The following SPHKAP variants were observed in gnomAD, a reference collection of about 807,000 sequenced individuals.
SPHKAP encodes the protein A-kinase anchor protein SPHKAP.
A neutral mutation model predicts 137.5 loss-of-function variants in SPHKAP; 67 were observed. The observed-to-expected ratio is 0.49, with a 90% CI of 0.40 to 0.60. The LOEUF is 0.60. Among genes scored for constraint, SPHKAP ranks in the 20% least tolerant of loss-of-function variants. SPHKAP has a pLI of 0.00. For synonymous variants in SPHKAP, 813 were observed against 785.3 expected (o/e 1.04, Z -0.59); for missense variants, 2,097 against 2,069.3 (o/e 1.01, Z -0.26).
chr2:228,143,114 G>A (rs1699655807), intron 1 of SPHKAP, among the ~76,000 whole-genome samples: 1 of 152,098 alleles, frequency 6.6e-6, no homozygotes, highest in Non-Finnish European at 1.5e-5. Context: ...CATTGATAAG[G>A]TTAGTATGCA....
At chr2:227,999,821 C>T (rs1326308641) in intron 7 of SPHKAP, among the ~76,000 whole-genome samples, 1 of 152,192 alleles carries the variant, frequency 6.6e-6, no homozygotes, top group East Asian at 1.9e-4. Flanking sequence ...TGTGCAGATG[C>T]ATGCAGATGG....
chr2:227,983,307 A>AT (rs1693075254), intron 11 of SPHKAP, among the ~76,000 whole-genome samples: 1 of 152,204 alleles, frequency 6.6e-6, no homozygotes, highest in African/African-American at 2.4e-5. Flanking sequence ...CAGTTACAGT[A>AT]ATCAGTGCTT....
chr2:228,174,915 C>T (rs1288269784), intron 1 of SPHKAP, among the ~76,000 whole-genome samples: 2 of 149,468 alleles, frequency 1.3e-5, no homozygotes, highest in Non-Finnish European at 3.0e-5. Context: ...ACATGGTAAC[C>T]AGATGAAGAA....
intron 3 of SPHKAP, among the ~76,000 whole-genome samples, chr2:228,095,130 A>G (rs1477737893): frequency 6.6e-6 from 1 of 152,184 alleles, no homozygotes; most frequent in Non-Finnish European, 1.5e-5. Flanking sequence ...AACTGTCAAT[A>G]GAAATGGGAA....
At chr2:227,987,701 C>T (rs1693262805) in intron 11 of SPHKAP, among the ~76,000 whole-genome samples, 1 of 115,108 alleles carries the variant, frequency 8.7e-6, no homozygotes, top group Admixed American at 8.4e-5. Flanking sequence ...CCTTTAGGTG[C>T]CCCCAACTCC....
chr2:228,067,101 GTTT>G (rs1273318820), intron 3 of SPHKAP, among the ~76,000 whole-genome samples: 1 of 152,158 alleles, frequency 6.6e-6, no homozygotes, highest in Admixed American at 6.5e-5. Flanking sequence ...AACAACCTTG[GTTT>G]TTTATGTTGT....
chr2:227,990,896 G>T, intron 11 of SPHKAP, 104 bp downstream of exon 11: 1 of 1,169,520 alleles, frequency 8.6e-7, no homozygotes, highest in Non-Finnish European at 1.2e-6. Context: ...GAACAGTCAG[G>T]ATCAAATAAT....
chr2:228,164,048 C>T (rs978467963), intron 1 of SPHKAP, among the ~76,000 whole-genome samples: 27 of 152,130 alleles, frequency 1.8e-4, no homozygotes, highest in South Asian at 4.1e-4. Flanking sequence ...GGGCACCATC[C>T]AATTGGCTTG....
intron 2 of SPHKAP, chr2:228,109,183 A>G: frequency 5.2e-6 from 1 of 190,934 alleles, no homozygotes; most frequent in Non-Finnish European, 9.7e-6. Context: ...ATCAAATCCA[A>G]CACCTGGAAA....
At chr2:228,011,579 T>C (rs909992237) in intron 7 of SPHKAP, among the ~76,000 whole-genome samples, 2 of 152,274 alleles carry the variant, frequency 1.3e-5, no homozygotes, top group East Asian at 3.9e-4. Flanking sequence ...GAAATGAGGG[T>C]AAATCATAAA....
chr2:228,132,726 G>C (rs529613000), intron 1 of SPHKAP, among the ~76,000 whole-genome samples: 100 of 152,018 alleles, frequency 6.6e-4, no homozygotes, highest in Non-Finnish European at 1.0e-3. Flanking sequence ...GGCTGAGCAT[G>C]GTGGCTCATG....
At chr2:228,030,519 A>C (rs1695255859) in intron 3 of SPHKAP, among the ~76,000 whole-genome samples, 1 of 112,578 alleles carries the variant, frequency 8.9e-6, no homozygotes, top group Non-Finnish European at 1.8e-5. Flanking sequence ...ATCTCAAAAA[A>C]AAAAAAAAAA....
intron 3 of SPHKAP, among the ~76,000 whole-genome samples, chr2:228,086,449 C>T (rs1447182852): frequency 6.6e-6 from 1 of 152,114 alleles, no homozygotes; most frequent in Non-Finnish European, 1.5e-5. Flanking sequence ...AGAGGCTACT[C>T]ACATTTCTCA....
chr2:228,064,070 G>A (rs1381768494), intron 3 of SPHKAP, among the ~76,000 whole-genome samples: 1 of 152,034 alleles, frequency 6.6e-6, no homozygotes, highest in Non-Finnish European at 1.5e-5. Context: ...TATTTAAATT[G>A]GGAAGGAAGA....
intron 1 of SPHKAP, among the ~76,000 whole-genome samples, chr2:228,180,942 GC>G (rs1359702946): frequency 3.3e-5 from 5 of 152,174 alleles, no homozygotes; most frequent in African/African-American, 1.2e-4. Flanking sequence ...TGGGGGACGA[GC>G]AAAACCAAAG....
At chr2:228,007,549 C>T (rs368825269) in intron 7 of SPHKAP, among the ~76,000 whole-genome samples, 8 of 152,036 alleles carry the variant, frequency 5.3e-5, no homozygotes, top group Non-Finnish European at 8.8e-5. Flanking sequence ...AGATTCCATA[C>T]GTGAGATCAG....
chr2:228,016,256 C>T, intron 7 of SPHKAP, 150 bp downstream of exon 7: 1 of 1,293,664 alleles, frequency 7.7e-7, no homozygotes, highest in Non-Finnish European at 1.0e-6. Flanking sequence ...TGGTGTGCTG[C>T]ACTCATTAAC....
At chr2:228,128,226 T>C (rs1464052380) in intron 2 of SPHKAP, among the ~76,000 whole-genome samples, 2 of 152,214 alleles carry the variant, frequency 1.3e-5, no homozygotes, top group African/African-American at 2.4e-5. Flanking sequence ...CAAAACTTGC[T>C]GCTGTGTTAT....
chr2:228,132,185 C>T (rs1216366204), intron 1 of SPHKAP, 100 bp from the exon 2 acceptor site: 1 of 1,041,904 alleles, frequency 9.6e-7, no homozygotes, highest in African/African-American at 1.6e-5. Flanking sequence ...CAAAAATCAT[C>T]TTTTTCAGAT....
Sources: gnomAD v4.1 joint callset for allele counts (sites outside exome capture counted in the v4.1 genomes callset) on GRCh38, gnomAD v4.1.1 for gene constraint, MANE v1.5 for transcripts, NCBI Gene and HGNC (gene_info 2026-07-23, HGNC 2026-07-21) for gene names.